The following ST6GALNAC5 variants were observed in gnomAD, a reference collection of about 807,000 sequenced individuals.
ST6GALNAC5 encodes alpha-N-acetylgalactosaminide alpha-2,6-sialyltransferase 5.
A neutral mutation model predicts 33.6 loss-of-function variants in ST6GALNAC5; 27 were observed. That is an observed-to-expected ratio of 0.80 (90% CI 0.59 to 1.11). The LOEUF is 1.11. ST6GALNAC5 is among the 50% of genes least tolerant of loss of function. The pLI, the probability that ST6GALNAC5 is intolerant of heterozygous loss-of-function variation, is 0.00. For synonymous variants in ST6GALNAC5, 194 were observed against 171.2 expected, an observed-to-expected ratio of 1.13 and a Z score of -1.04; for missense variants, 428 against 454.0, an observed-to-expected ratio of 0.94 and a Z score of 0.52.
intron 2 of ST6GALNAC5, among the ~76,000 whole-genome samples, chr1:76,933,241 C>T (rs1430071112): frequency 6.6e-6 from 1 of 151,944 alleles, no homozygotes; most frequent in Non-Finnish European, 1.5e-5. Flanking sequence ...ATAGTTACTA[C>T]AAAGGTCGAC....
At chr1:77,048,403 T>C (rs1652086670) in intron 3 of ST6GALNAC5, among the ~76,000 whole-genome samples, 2 of 152,232 alleles carry the variant, frequency 1.3e-5, no homozygotes, top group South Asian at 4.1e-4. Flanking sequence ...CTAGAACACA[T>C]GGCCAGTGCA....
At chr1:76,897,071 C>A (rs972267567) in intron 2 of ST6GALNAC5, among the ~76,000 whole-genome samples, 7 of 152,130 alleles carry the variant, frequency 4.6e-5, no homozygotes, top group Non-Finnish European at 1.0e-4. Context: ...AGAATTATGC[C>A]GAGATAGGTA....
chr1:76,920,005 T>C (rs1354642307), intron 2 of ST6GALNAC5, among the ~76,000 whole-genome samples: 1 of 152,128 alleles, frequency 6.6e-6, no homozygotes. Context: ...AGCTTAAAGA[T>C]GGAAATATTT....
At chr1:76,892,503 A>G (rs1031249384) in intron 2 of ST6GALNAC5, among the ~76,000 whole-genome samples, 1 of 152,212 alleles carries the variant, frequency 6.6e-6, no homozygotes, top group Non-Finnish European at 1.5e-5. Context: ...ATAAATAGGA[A>G]TAGAACAAAA....
At chr1:76,912,479 T>C (rs1646924467) in intron 2 of ST6GALNAC5, among the ~76,000 whole-genome samples, 1 of 152,068 alleles carries the variant, frequency 6.6e-6, no homozygotes, top group Admixed American at 6.6e-5. Flanking sequence ...CTGGGTATCC[T>C]TGTTAACTTT....
At chr1:76,999,703 A>G (rs538857210) in intron 2 of ST6GALNAC5, among the ~76,000 whole-genome samples, 6 of 136,540 alleles carry the variant, frequency 4.4e-5, no homozygotes, top group African/African-American at 1.7e-4. Context: ...ATGTGATCTC[A>G]TTGTTCAATT....
At chr1:76,991,534 G>A (rs1167642115) in intron 2 of ST6GALNAC5, among the ~76,000 whole-genome samples, 2 of 152,092 alleles carry the variant, frequency 1.3e-5, no homozygotes, top group Non-Finnish European at 2.9e-5. Flanking sequence ...GCATGAACAG[G>A]CCTCCTCTTT....
intron 2 of ST6GALNAC5, among the ~76,000 whole-genome samples, chr1:76,948,587 CAGAGAGAGAGAG>C (rs60959607): frequency 0.012 from 1,573 of 129,698 alleles, 39 homozygotes; most frequent in African/African-American, 0.041. Context: ...GGAGTGGGGA[CAGAGAGAGAGAG>C]AGAGAGAGAG....
rs556823090 is a variant in ST6GALNAC5, at chr1:77,055,637, A to T, written c.779+5272A>T. ...GCCAATGCTCTTAATCCTTCAGTTC[A>T]TTGTTTCAGATACAGTGGCCCTTCT... On this transcript the variant is annotated intron_variant, in intron 4 of 4. Coordinates refer to ENST00000477717, the MANE Select transcript of ST6GALNAC5 (RefSeq NM_030965.3). Among the ~76,000 whole-genome samples, 24 of 152,274 alleles carry T rather than the reference A, an allele frequency of 1.6e-4. No individual in the cohort carries two copies. The East Asian group carries it at 3.1e-3, about 20-fold the overall frequency.
intron 2 of ST6GALNAC5, among the ~76,000 whole-genome samples, chr1:76,985,069 G>T (rs77375029): frequency 1.3e-4 from 20 of 152,262 alleles, no homozygotes; most frequent in Admixed American, 1.3e-3. Context: ...TAGTGAATGA[G>T]CAAAAACTGG....
chr1:76,879,992 G>A (rs889771579), intron 2 of ST6GALNAC5, among the ~76,000 whole-genome samples: 1 of 152,172 alleles, frequency 6.6e-6, no homozygotes, highest in East Asian at 1.9e-4. Context: ...CTTTCTCTAC[G>A]GGAGATAAGA....
At chr1:76,974,372 A>AT (rs1648909028) in intron 2 of ST6GALNAC5, among the ~76,000 whole-genome samples, 1 of 151,698 alleles carries the variant, frequency 6.6e-6, no homozygotes, top group African/African-American at 2.4e-5. Flanking sequence ...CACTCAGTTG[A>AT]TTTTTTAAAT....
At chr1:77,014,380 TACAG>T (rs1310514442) in intron 2 of ST6GALNAC5, among the ~76,000 whole-genome samples, 1 of 152,194 alleles carries the variant, frequency 6.6e-6, no homozygotes, top group East Asian at 1.9e-4. Context: ...ATGGGTGATT[TACAG>T]ACAATTAGCA....
At chr1:77,031,883 A>T (rs879781046) in intron 2 of ST6GALNAC5, among the ~76,000 whole-genome samples, 1 of 152,216 alleles carries the variant, frequency 6.6e-6, no homozygotes, top group Non-Finnish European at 1.5e-5. Context: ...TGTAGGAAAG[A>T]GAGACATTGA....
intron 2 of ST6GALNAC5, among the ~76,000 whole-genome samples, chr1:77,026,608 G>T (rs970442189): frequency 3.3e-5 from 5 of 152,192 alleles, no homozygotes; most frequent in African/African-American, 1.2e-4. Flanking sequence ...TGCAAAGTCA[G>T]CAGAGAAAGG....
intron 2 of ST6GALNAC5, among the ~76,000 whole-genome samples, chr1:76,898,507 A>G (rs1381672251): frequency 2.0e-5 from 3 of 152,182 alleles, no homozygotes; most frequent in Non-Finnish European, 4.4e-5. Context: ...AATAAAACGT[A>G]TATTGAGAAT....
intron 3 of ST6GALNAC5, among the ~76,000 whole-genome samples, chr1:77,047,676 G>C (rs1270224708): frequency 6.6e-6 from 1 of 152,136 alleles, no homozygotes; most frequent in East Asian, 1.9e-4. Flanking sequence ...GGGTACATTA[G>C]GAAAATATGA....
chr1:76,890,132 C>T (rs920449836), intron 2 of ST6GALNAC5, among the ~76,000 whole-genome samples: 1 of 152,086 alleles, frequency 6.6e-6, no homozygotes, highest in Non-Finnish European at 1.5e-5. Flanking sequence ...TTTGCTTTTG[C>T]CAAGCCCCTA....
At position 77,044,572 on chromosome 1, in the gene ST6GALNAC5, G is replaced by A. The variant is rs757437403; in HGVS notation, c.630G>A (p.Leu210=). ...TCATGATTACTCGCCACAAGATGCTGCAGTTTGATGAGCTCTTCAAGCAGG... is the reference window on the plus strand; with the variant it reads ...TCATGATTACTCGCCACAAGATGCTACAGTTTGATGAGCTCTTCAAGCAGG... ...KAFMITRHKM[L]QFDELFKQET... is the part of the protein sequence containing the mutation. The change falls in exon 3 of 5, where the codon CTG becomes CTA. Residue 210 remains leucine (L), a synonymous_variant. Transcript: ENST00000477717. The A allele has an allele frequency of 1.3e-6, 2 of 1,581,810 alleles. No homozygotes were observed. The highest frequency in any genetic ancestry group is 1.3e-5 in the African/African-American group (1 of 74,130).
Sources: gnomAD v4.1 joint callset for allele counts (sites outside exome capture counted in the v4.1 genomes callset) on GRCh38, gnomAD v4.1.1 for gene constraint, MANE v1.5 for transcripts, NCBI Gene and HGNC (gene_info 2026-07-23, HGNC 2026-07-21) for gene names.